C14orf180: variants seen among roughly 807,000 people sequenced by gnomAD.
C14orf180 encodes chromosome 14 open reading frame 180.
A neutral mutation model predicts 13.9 loss-of-function variants in C14orf180; 13 were observed. That is an observed-to-expected ratio of 0.94 (90% CI 0.61 to 1.49). The LOEUF (loss-of-function observed/expected upper bound fraction) is 1.49. Ranked by LOEUF, C14orf180 falls within the 40% of genes most tolerant of loss-of-function variation. The pLI is 0.00. For missense variants in C14orf180, 238 were observed against 232.0 expected (o/e 1.03, Z -0.17); for synonymous variants, 113 against 106.3 (o/e 1.06, Z -0.39).
At chr14:104,582,598 A>T (rs1405944573) in intron 1 of C14orf180, among the ~76,000 whole-genome samples, 1 of 152,090 alleles carries the variant, frequency 6.6e-6, no homozygotes, top group African/African-American at 2.4e-5. Context: ...CAGGCTCTGA[A>T]ACCTGGCAGG....
chr14:104,587,341 T>C (rs1389680682), intron 2 of C14orf180, among the ~76,000 whole-genome samples: 1 of 152,172 alleles, frequency 6.6e-6, no homozygotes, highest in Non-Finnish European at 1.5e-5. Context: ...CTCACGGCCC[T>C]GGCCCGGCCC....
chr14:104,587,610 T>C (rs1886672136), intron 2 of C14orf180, 139 bp from the exon 3 acceptor site: 1 of 857,762 alleles, frequency 1.2e-6, no homozygotes, highest in Admixed American at 3.0e-5. Context: ...CTACAGGAAG[T>C]GACAGGCCCA....
intron 1 of C14orf180, among the ~76,000 whole-genome samples, chr14:104,580,718 A>AC (rs1328008274): frequency 2.8e-5 from 4 of 144,128 alleles, no homozygotes; most frequent in African/African-American, 8.3e-5. Flanking sequence ...TGGCCATGGG[A>AC]CCCCCACCCA....
rs1415180299 is a variant in C14orf180, at chr14:104,588,764, G to A, written c.464G>A (p.Arg155His). 47 of 1,527,768 alleles carry A rather than the reference G, an allele frequency of 3.1e-5. No individual in the cohort carries two copies. The highest frequency in any genetic ancestry group is 1.1e-4 in the South Asian group (9 of 83,686). 94.6% of individuals were successfully genotyped at this position (1,527,768 alleles called of 1,614,324 possible). A position where few individuals can be genotyped will look rare whatever the true frequency, so the allele number is the denominator to read the frequency against. Residue 155 changes from arginine (R) to histidine (H), a missense_variant, in exon 5 of 5, where the codon CGC (arginine) becomes CAC (histidine). Physicochemically the swap from Arg to His is conservative, Grantham distance 29. Transcript: ENST00000557649. ...CGGCACGTGGCCCTCACCTGCTGGC[G>A]CGGCCTCCTGCGGCTCTGACGGGCA... ...HLRHVALTCW[R>H]GLLRL
intron 1 of C14orf180, among the ~76,000 whole-genome samples, chr14:104,585,585 C>T (rs1245187917): frequency 2.6e-5 from 4 of 151,964 alleles, no homozygotes; most frequent in South Asian, 2.1e-4. Context: ...AAGCAACCAG[C>T]GCAACAGAGG....
At chr14:104,586,735 G>A (rs1219570172) in intron 2 of C14orf180, among the ~76,000 whole-genome samples, 194 bp downstream of exon 2, 1 of 152,178 alleles carries the variant, frequency 6.6e-6, no homozygotes, top group Non-Finnish European at 1.5e-5. Flanking sequence ...ATTTGGTCTG[G>A]CAGAGGAGAT....
At chr14:104,582,852 C>G (rs568063749) in intron 1 of C14orf180, among the ~76,000 whole-genome samples, 14 of 152,178 alleles carry the variant, frequency 9.2e-5, no homozygotes, top group Non-Finnish European at 1.6e-4. Flanking sequence ...CCATCTGTCA[C>G]GAGGCCTCCA....
chr14:104,588,281 T>G lies in C14orf180; in HGVS notation c.249T>G (p.Ala83=), dbSNP rs759696293. The change falls in exon 4 of 5, where the codon GCT becomes GCG. Residue 83 remains alanine, a synonymous_variant. Coordinates refer to ENST00000557649, the MANE Select transcript of C14orf180 (RefSeq NM_001008404.3). Reference sequence around the variant, plus strand: ...CTCCATTCTCTTTCGCAGACATTGCTGACAAGAACGCCACAGCCACTGTCA... The same window carrying G: ...CTCCATTCTCTTTCGCAGACATTGCGGACAAGAACGCCACAGCCACTGTCA... ...EPPAVTVHYI[A]DKNATATVRV... 1 of 1,613,964 alleles carries G rather than the reference T, an allele frequency of 6.2e-7. No individual in the cohort carries two copies. The highest frequency in any genetic ancestry group is 1.1e-5 in the South Asian group (1 of 91,086).
At chr14:104,581,971 G>A (rs1434655107) in intron 1 of C14orf180, among the ~76,000 whole-genome samples, 1 of 151,920 alleles carries the variant, frequency 6.6e-6, no homozygotes, top group South Asian at 2.1e-4. Context: ...GCAGTGCCAG[G>A]CGAGGGGTGA....
intron 3 of C14orf180, 43 bp downstream of exon 3, chr14:104,587,921 CAAGCAG>C: frequency 6.3e-7 from 1 of 1,574,828 alleles, no homozygotes; most frequent in Non-Finnish European, 8.6e-7. Flanking sequence ...AGGGTGGAGT[CAAGCAG>C]AGGGAGGCGG....
intron 2 of C14orf180, among the ~76,000 whole-genome samples, chr14:104,587,336 G>A (rs1375620014): frequency 1.3e-5 from 2 of 152,034 alleles, no homozygotes; most frequent in African/African-American, 4.8e-5. Context: ...CCCTCCTCAC[G>A]GCCCTGGCCC....
At position 104,588,818 on chromosome 14, in the gene C14orf180, G is replaced by A; in HGVS notation, c.*35G>A. The A allele has an allele frequency of 6.5e-7, 1 of 1,530,000 alleles. No individual in the cohort carries two copies. The highest frequency in any genetic ancestry group is 8.7e-7 in the Non-Finnish European group (1 of 1,143,632). The allele number at this position is 1,530,000 out of a possible 1,614,324, so 94.8% of individuals were successfully genotyped here. On this transcript the variant is annotated 3_prime_UTR_variant, in exon 5 of 5. Transcript: ENST00000557649. ...CGGGCAGGACGGGCAGGGCTTCCAGGAGAGCTCAAGCACTCCGGGGGCTCC... is the reference window on the plus strand; with the variant it reads ...CGGGCAGGACGGGCAGGGCTTCCAGAAGAGCTCAAGCACTCCGGGGGCTCC...
intron 1 of C14orf180, among the ~76,000 whole-genome samples, chr14:104,583,818 TCACA>T (rs376368201): frequency 6.7e-6 from 1 of 150,302 alleles, no homozygotes; most frequent in African/African-American, 2.5e-5. Flanking sequence ...GCAGATACAC[TCACA>T]CACACACACG....
rs58541277 is a variant in C14orf180 at position 104,589,910 on chromosome 14, T to C, written c.*1127T>C. 0.35 allele frequency: 53,705 copies of C among 152,154 alleles called. 13,098 individuals carry two copies. Among genetic ancestry groups the C allele is most frequent in the African/African-American group, 0.69 (28,724 of 41,486 alleles). 9.4% of individuals were successfully genotyped at this position (152,154 alleles called of 1,614,324 possible). ...CGATTTGCTAAGGAATCGGCCTCAG[T>C]GGCCAAAGCGGATGTCCTGGGCGCC... On this transcript the variant is annotated 3_prime_UTR_variant, in exon 5 of 5. Transcript: ENST00000557649. This position sits in a 1 kb window ranked among gnomAD's most constrained non-coding sequence, Gnocchi z 4.9.
At chr14:104,583,258 C>T (rs1341074742) in intron 1 of C14orf180, among the ~76,000 whole-genome samples, 1 of 152,150 alleles carries the variant, frequency 6.6e-6, no homozygotes, top group African/African-American at 2.4e-5. Flanking sequence ...AGAGCGTGGC[C>T]CAGGGGAAGG....
intron 2 of C14orf180, 82 bp from the exon 3 acceptor site, chr14:104,587,667 G>A: frequency 6.9e-7 from 1 of 1,443,484 alleles, no homozygotes; most frequent in Non-Finnish European, 9.5e-7. Flanking sequence ...GGACGGTGCT[G>A]CTGGGCCCCA....
In C14orf180 at chr14:104,590,161, G is replaced by C. The variant is rs1886795983; in HGVS notation, c.*1378G>C. The C allele has an allele frequency of 6.6e-6, 1 of 152,248 alleles. No individual in the cohort carries two copies. The highest frequency in any genetic ancestry group is 1.5e-5 in the Non-Finnish European group (1 of 68,068). The allele number at this position is 152,248 out of a possible 1,614,324, so 9.4% of individuals were successfully genotyped here. A position where few individuals can be genotyped will look rare whatever the true frequency, so the allele number is the denominator to read the frequency against. The stretch of plus-strand genomic sequence containing the variant: ...AGTTGCGGGTGGAGGTAACAAAAGG[G>C]GCTGTTTCCAGAAGTGGCCCAGAAG... On this transcript the variant is annotated 3_prime_UTR_variant, in exon 5 of 5. Transcript: ENST00000557649.
Position 104,586,536 on chromosome 14 carries a change from G to A in C14orf180, c.106G>A (p.Glu36Lys), listed in dbSNP as rs1886631187. 6.5e-7 allele frequency: 1 copy of A among 1,536,546 alleles called. No individual in the cohort carries two copies. Among genetic ancestry groups the A allele is most frequent in the East Asian group, 2.5e-5 (1 of 40,254 alleles). Reference sequence around the variant, plus strand: ...GTGGGGCCCGCGGGTGTGCAGGGCAGAGAGGGTAAGGCGGGCCGCTGGGAC... The same window carrying A: ...GTGGGGCCCGCGGGTGTGCAGGGCAAAGAGGGTAAGGCGGGCCGCTGGGAC... ...AAWGPRVCRA[E>K]REDNRKCPPS... is the part of the protein sequence containing the mutation. Residue 36 changes from glutamate to lysine, a missense_variant, in exon 2 of 5, where the codon GAG (glutamate) becomes AAG (lysine). Glu to Lys is a moderately conservative substitution (Grantham distance 56). Coordinates refer to ENST00000557649, the MANE Select transcript of C14orf180 (RefSeq NM_001008404.3).
chr14:104,580,505 C>T (rs750810966), intron 1 of C14orf180, among the ~76,000 whole-genome samples: 19 of 152,182 alleles, frequency 1.2e-4, no homozygotes, highest in Non-Finnish European at 2.2e-4. Flanking sequence ...TGCAGGCAGC[C>T]GTGCCAGGCA....
Sources: allele counts gnomAD v4.1 joint callset (sites outside exome capture counted in the v4.1 genomes callset), GRCh38; gene constraint gnomAD v4.1.1; non-coding constraint Gnocchi (gnomAD v3.1); transcripts MANE v1.5; gene names NCBI Gene and HGNC (gene_info 2026-07-23, HGNC 2026-07-21).